Variants in CHMP4B observed in about 807,000 individuals in gnomAD.
The protein encoded by CHMP4B is charged multivesicular body protein 4B, also known as SNF7 homolog associated with Alix 1.
In CHMP4B, 1 loss-of-function variant was observed where a neutral mutation model predicts 25.1. That is an observed-to-expected ratio of 0.04 (90% CI 0.01 to 0.19). The LOEUF (loss-of-function observed/expected upper bound fraction) is 0.19, where lower values mean the gene tolerates loss of function less well. Ranked by LOEUF, CHMP4B falls within the 10% of genes least tolerant of loss-of-function variation. The probability of loss-of-function intolerance (pLI) is 1.00; values close to 1 mark genes in which losing one functional copy is unlikely to be tolerated. For missense variants in CHMP4B, 151 were observed against 289.7 expected (o/e 0.52, Z 3.48); for synonymous variants, 101 against 115.6 (o/e 0.87, Z 0.81).
intron 3 of CHMP4B, 69 bp from the exon 4 acceptor site, chr20:33,852,008 G>A: frequency 1.2e-6 from 2 of 1,603,854 alleles, no homozygotes; most frequent in Non-Finnish European, 1.7e-6. Context: ...GCATTAATTA[G>A]GTAGGAGGCA....
chr20:33,820,503 C>T (rs1176647553), intron 1 of CHMP4B, among the ~76,000 whole-genome samples: 1 of 152,138 alleles, frequency 6.6e-6, no homozygotes, highest in East Asian at 1.9e-4. Context: ...TAGATACTGT[C>T]CTAGTTGCTG....
At chr20:33,819,433 A>G (rs957373245) in intron 1 of CHMP4B, among the ~76,000 whole-genome samples, 11 of 152,232 alleles carry the variant, frequency 7.2e-5, no homozygotes, top group African/African-American at 2.7e-4. Context: ...ATGAGCATCT[A>G]GGAACCCCTA....
Position 33,835,076 on chromosome 20 carries a change from G to A in CHMP4B, c.191-13391G>A, listed in dbSNP as rs559800109. 1.6e-3 allele frequency among the ~76,000 whole-genome samples: 247 copies of A among 152,276 alleles called. 1 individual carries two copies. The highest frequency in any genetic ancestry group is 5.6e-3 in the African/African-American group (234 of 41,550). On this transcript the variant is annotated intron_variant, in intron 1 of 4. Coordinates refer to ENST00000217402, the MANE Select transcript of CHMP4B (RefSeq NM_176812.5). ...CTCCCAAAATGCTGGGATTACAAGCGTGAGCCATCGCACCTGGCCTATGAT... is the reference window on the plus strand; with the variant it reads ...CTCCCAAAATGCTGGGATTACAAGCATGAGCCATCGCACCTGGCCTATGAT...
chr20:33,844,960 C>T (rs540996562), intron 1 of CHMP4B, among the ~76,000 whole-genome samples: 8 of 152,196 alleles, frequency 5.3e-5, no homozygotes, highest in African/African-American at 1.7e-4. Flanking sequence ...GGGGTTTCAC[C>T]GTGTTAGCCA....
At chr20:33,818,417 C>T (rs1978839268) in intron 1 of CHMP4B, among the ~76,000 whole-genome samples, 1 of 152,250 alleles carries the variant, frequency 6.6e-6, no homozygotes, top group Non-Finnish European at 1.5e-5. Context: ...GCATTCCTGC[C>T]AAGTGATTAA....
chr20:33,837,956 C>T (rs1490346412), intron 1 of CHMP4B, among the ~76,000 whole-genome samples: 1 of 152,176 alleles, frequency 6.6e-6, no homozygotes, highest in African/African-American at 2.4e-5. Context: ...GAGAGAGCAC[C>T]TAATCCGCCC....
intron 1 of CHMP4B, among the ~76,000 whole-genome samples, chr20:33,821,057 G>T (rs1978925590): frequency 6.6e-6 from 1 of 152,194 alleles, no homozygotes; most frequent in Admixed American, 6.5e-5. Flanking sequence ...AACCTGAGCA[G>T]TGGATTCTCT....
chr20:33,847,072 A>G (rs1979707701), intron 1 of CHMP4B, among the ~76,000 whole-genome samples: 1 of 152,090 alleles, frequency 6.6e-6, no homozygotes, highest in Admixed American at 6.5e-5. Context: ...CTTGAAGCTT[A>G]TATAGCATCC....
chr20:33,811,448 C>T lies in CHMP4B; in HGVS notation c.-21C>T. ...GCCGAGCCGGAGCGGGCGGCGAAGG[C>T]CGGCGCGGCGAGCAGCAACCATGTC... On this transcript the variant is annotated 5_prime_UTR_variant, in exon 1 of 5. Coordinates refer to ENST00000217402, the MANE Select transcript of CHMP4B (RefSeq NM_176812.5). 5 of 1,491,896 alleles carry T rather than the reference C, an allele frequency of 3.4e-6. No homozygotes were observed. The highest frequency in any genetic ancestry group is 4.5e-6 in the Non-Finnish European group (5 of 1,119,104). 92.4% of individuals were successfully genotyped at this position (1,491,896 alleles called of 1,614,324 possible). A position where few individuals can be genotyped will look rare whatever the true frequency, so the allele number is the denominator to read the frequency against.
chr20:33,830,344 T>C (rs951100866), intron 1 of CHMP4B, among the ~76,000 whole-genome samples: 2 of 152,188 alleles, frequency 1.3e-5, no homozygotes, highest in African/African-American at 4.8e-5. Context: ...AGATTTTGAA[T>C]GGCTTGGACA....
intron 1 of CHMP4B, among the ~76,000 whole-genome samples, chr20:33,834,183 G>A (rs1045911100): frequency 5.9e-5 from 9 of 152,076 alleles, no homozygotes; most frequent in Non-Finnish European, 8.8e-5. Flanking sequence ...TGAACTTCTC[G>A]AAGAGCCAGA....
intron 1 of CHMP4B, among the ~76,000 whole-genome samples, chr20:33,817,735 C>T (rs1161253575): frequency 6.6e-6 from 1 of 152,154 alleles, no homozygotes. Context: ...GTGCCACTGT[C>T]TTTAAGAGTG....
chr20:33,816,429 T>G (rs1238688347), intron 1 of CHMP4B, among the ~76,000 whole-genome samples: 2 of 152,248 alleles, frequency 1.3e-5, no homozygotes, highest in Non-Finnish European at 2.9e-5. Flanking sequence ...ATCAGACTTC[T>G]TTGGTTTAGT....
intron 1 of CHMP4B, among the ~76,000 whole-genome samples, chr20:33,819,299 AG>A (rs1264409270): frequency 5.9e-5 from 9 of 152,236 alleles, no homozygotes; most frequent in Non-Finnish European, 1.0e-4. Context: ...TAGAACAGGC[AG>A]GGCCGAGCCA....
chr20:33,811,710 CGGG>C, intron 1 of CHMP4B, 52 bp downstream of exon 1: 1 of 1,564,468 alleles, frequency 6.4e-7, no homozygotes, highest in Non-Finnish European at 8.7e-7. Context: ...CCAGGCTCCC[CGGG>C]CCCGGACTTC....
intron 4 of CHMP4B, among the ~76,000 whole-genome samples, chr20:33,852,590 A>G (rs1979886618): frequency 6.6e-6 from 1 of 152,220 alleles, no homozygotes. Flanking sequence ...GTCTTCAGAC[A>G]TGGCCAAATG....
intron 1 of CHMP4B, among the ~76,000 whole-genome samples, chr20:33,821,386 CAAA>C (rs35674946): frequency 1.4e-4 from 15 of 106,196 alleles, no homozygotes; most frequent in African/African-American, 1.4e-4. Flanking sequence ...GACTCCATCT[CAAA>C]AAAAAAAAAA....
chr20:33,836,780 C>T (rs1979404106), intron 1 of CHMP4B, among the ~76,000 whole-genome samples: 1 of 152,130 alleles, frequency 6.6e-6, no homozygotes, highest in African/African-American at 2.4e-5. Flanking sequence ...CTTGCCTGCT[C>T]CTTGGCCTGG....
intron 1 of CHMP4B, among the ~76,000 whole-genome samples, chr20:33,830,933 G>GTTGTTTTTTTTTTTTTTT (rs746793442): frequency 2.0e-5 from 2 of 102,524 alleles, no homozygotes; most frequent in African/African-American, 7.3e-5. Context: ...AAGGAACAGA[G>GTTGTTTTTTTTTTTTTTT]TTTTTTTTTT....
Sources: allele counts gnomAD v4.1 joint callset (sites outside exome capture counted in the v4.1 genomes callset), GRCh38; gene constraint gnomAD v4.1.1; transcripts MANE v1.5; gene names NCBI Gene and HGNC (gene_info 2026-07-23, HGNC 2026-07-21).